Variants in WDR43 observed in about 807,000 individuals in gnomAD.
The protein encoded by WDR43 is WD repeat domain 43, also known as WD repeat-containing protein 43.
WDR43 carries 13 observed loss-of-function variants against 91.4 expected under a neutral mutation model. The ratio of observed to expected loss-of-function variants is 0.14; its 90% CI spans 0.09 to 0.23. WDR43 has a LOEUF of 0.23. Ranked by LOEUF, WDR43 falls within the 10% of genes least tolerant of loss-of-function variation. The probability of loss-of-function intolerance (pLI) is 1.00; values close to 1 mark genes in which losing one functional copy is unlikely to be tolerated. For missense variants in WDR43, 780 were observed against 809.4 expected (o/e 0.96, Z 0.44); for synonymous variants, 331 against 287.9 (o/e 1.15, Z -1.51).
At chr2:28,907,468 A>AAAAAAAAAG (rs34947681) in intron 3 of WDR43, among the ~76,000 whole-genome samples, 1 of 120,280 alleles carries the variant, frequency 8.3e-6, no homozygotes, top group Non-Finnish European at 1.7e-5. Flanking sequence ...AAAAAAAAAA[A>AAAAAAAAAG]TTGGGTGTGG....
At chr2:28,941,742 A>G (rs1671441212) in intron 15 of WDR43, among the ~76,000 whole-genome samples, 168 bp downstream of exon 15, 1 of 152,132 alleles carries the variant, frequency 6.6e-6, no homozygotes, top group Non-Finnish European at 1.5e-5. Flanking sequence ...AGTAGCTGGG[A>G]CTACACGGAT....
chr2:28,905,665 C>CTTTTTTTTTTTT (rs942200958), intron 2 of WDR43, among the ~76,000 whole-genome samples: 1 of 80,126 alleles, frequency 1.2e-5, no homozygotes. Context: ...CTCTTCTTCT[C>CTTTTTTTTTTTT]TTTTTTTTTT....
chr2:28,941,590 T>C lies in WDR43; in HGVS notation c.1734+16T>C. 5 of 1,575,492 alleles carry C rather than the reference T, an allele frequency of 3.2e-6. No homozygotes were observed. The highest frequency in any genetic ancestry group is 4.3e-6 in the Non-Finnish European group (5 of 1,152,008). ...AATTACACAAGTGAGTAAATCATAT[T>C]GTTCTGGGCTAAAACTTTTGGACAT... On this transcript the variant is annotated intron_variant, in intron 15 of 17. Transcript: ENST00000407426.
At chr2:28,897,540 T>A (rs1049981799) in intron 1 of WDR43, among the ~76,000 whole-genome samples, 5 of 152,252 alleles carry the variant, frequency 3.3e-5, no homozygotes, top group Non-Finnish European at 5.9e-5. Context: ...TATGGCCTAG[T>A]ATGTAATAAG....
chr2:28,939,793 G>T (rs1351153025), intron 14 of WDR43, among the ~76,000 whole-genome samples: 6 of 152,164 alleles, frequency 3.9e-5, no homozygotes, highest in Admixed American at 3.3e-4. Flanking sequence ...AAATAGGAGT[G>T]CAGGTAAAGG....
Position 28,909,202 on chromosome 2 carries a change from G to A in WDR43, c.485+2621G>A, listed in dbSNP as rs182739399. 3.9e-3 allele frequency among the ~76,000 whole-genome samples: 590 copies of A among 152,102 alleles called. 5 individuals are homozygous for A. The highest frequency in any genetic ancestry group is 0.014 in the African/African-American group (566 of 41,482). On this transcript the variant is annotated intron_variant, in intron 3 of 17. Coordinates refer to ENST00000407426, the MANE Select transcript of WDR43 (RefSeq NM_015131.3). ...TGCCCAGCCTGGATTGCAATGGCGCGATCTCAGCTCACTGCAACCTCTGCC... is the reference window on the plus strand; with the variant it reads ...TGCCCAGCCTGGATTGCAATGGCGCAATCTCAGCTCACTGCAACCTCTGCC...
intron 1 of WDR43, among the ~76,000 whole-genome samples, chr2:28,895,523 G>T (rs1047638145): frequency 6.6e-6 from 1 of 151,980 alleles, no homozygotes; most frequent in Non-Finnish European, 1.5e-5. Flanking sequence ...ACTGCTTTTT[G>T]ATTTTAACAT....
rs769833466 is a variant in WDR43 at position 28,906,603 on chromosome 2, A to C, written c.485+22A>C. The C allele has an allele frequency of 4.4e-6, 7 of 1,606,694 alleles. No individual in the cohort carries two copies. In the Admixed American group the frequency reaches 1.0e-4, roughly 23 times the overall value. On this transcript the variant is annotated intron_variant, in intron 3 of 17. Transcript: ENST00000407426. The stretch of plus-strand genomic sequence containing the variant: ...AGTGGTGAGTAACATTCATGGTATC[A>C]GGAAATGCAATAGACGTGGATAAAT...
chr2:28,910,654 A>C (rs999686936), intron 3 of WDR43, among the ~76,000 whole-genome samples: 1 of 142,762 alleles, frequency 7.0e-6, no homozygotes, highest in Non-Finnish European at 1.5e-5. Flanking sequence ...ATATATATAC[A>C]GATAACGTGC....
At chr2:28,909,733 A>G (rs6739354) in intron 3 of WDR43, among the ~76,000 whole-genome samples, 109,958 of 151,938 alleles carry the variant, frequency 0.72, 39,899 homozygotes, top group East Asian at 0.85. Flanking sequence ...AATTAGCCAG[A>G]TGTGGTGGTG....
At chr2:28,913,259 A>G (rs1268366963) in intron 4 of WDR43, among the ~76,000 whole-genome samples, 1 of 152,106 alleles carries the variant, frequency 6.6e-6, no homozygotes. Flanking sequence ...CAGCCGAAAC[A>G]AGGTTTTTTT....
In WDR43 at chr2:28,914,119, C is replaced by T. The variant is rs1402644101; in HGVS notation, c.657C>T (p.Ile219=). The T allele has an allele frequency of 1.2e-6, 2 of 1,613,984 alleles. No individual in the cohort carries two copies. Among genetic ancestry groups the T allele is most frequent in the East Asian group, 4.5e-5 (2 of 44,874 alleles). ...TTTCGTCACTGATGTTCACTACCAT[C>T]AGACCTCCTAATGAGAGCCAGCCCT... The part of the protein sequence containing the change: ...TPVSSLMFTT[I]RPPNESQPFD... The change falls in exon 5 of 18, where the codon ATC becomes ATT. Residue 219 remains isoleucine, a synonymous_variant. Coordinates refer to ENST00000407426, the MANE Select transcript of WDR43 (RefSeq NM_015131.3).
chr2:28,930,700 T>A (rs1239295754), intron 11 of WDR43, among the ~76,000 whole-genome samples: 1 of 152,236 alleles, frequency 6.6e-6, no homozygotes. Flanking sequence ...CTAATTATGC[T>A]TTGAAACCTT....
chr2:28,946,424 AG>A, intron 16 of WDR43, 25 bp from the exon 17 acceptor site: 1 of 1,597,518 alleles, frequency 6.3e-7, no homozygotes, highest in Non-Finnish European at 8.5e-7. Context: ...TCTAAAATTA[AG>A]GCTGGGTTCT....
At chr2:28,941,269 A>G (rs982882487) in intron 14 of WDR43, among the ~76,000 whole-genome samples, 192 bp from the exon 15 acceptor site, 1 of 152,068 alleles carries the variant, frequency 6.6e-6, no homozygotes, top group Non-Finnish European at 1.5e-5. Flanking sequence ...TTTTCCTCCT[A>G]GGACATTGAG....
At chr2:28,935,680 T>C in intron 12 of WDR43, 73 bp downstream of exon 12, 2 of 1,049,742 alleles carry the variant, frequency 1.9e-6, no homozygotes, top group Non-Finnish European at 2.7e-6. Context: ...GTTAGAGAAA[T>C]GGATTTGTAA....
chr2:28,927,194 C>G (rs1307971797), intron 9 of WDR43: 1 of 514,820 alleles, frequency 1.9e-6, no homozygotes, highest in Non-Finnish European at 3.9e-6. Context: ...TGTAACTTCA[C>G]TTTTTAAATT....
chr2:28,908,463 C>T (rs879924200), intron 3 of WDR43, among the ~76,000 whole-genome samples: 5 of 152,088 alleles, frequency 3.3e-5, no homozygotes, highest in South Asian at 2.1e-4. Context: ...GGTTCTGATC[C>T]AGTAGGTCTG....
At chr2:28,912,947 A>ATAT (rs1670831917) in intron 4 of WDR43, among the ~76,000 whole-genome samples, 1 of 100,960 alleles carries the variant, frequency 9.9e-6, no homozygotes, top group African/African-American at 3.8e-5. Flanking sequence ...AAGAAACAAG[A>ATAT]TTTTTTTTTT....
Sources: gnomAD v4.1 joint callset for allele counts (sites outside exome capture counted in the v4.1 genomes callset) on GRCh38, gnomAD v4.1.1 for gene constraint, MANE v1.5 for transcripts, NCBI Gene and HGNC (gene_info 2026-07-23, HGNC 2026-07-21) for gene names.